Variants in TFCP2L1 observed in about 807,000 individuals in gnomAD.
TFCP2L1 encodes transcription factor CP2-like protein 1.
Under a neutral mutation model 72.2 loss-of-function variants are expected in TFCP2L1, and 12 were observed. That is an observed-to-expected ratio of 0.17 (90% CI 0.11 to 0.27). The LOEUF (loss-of-function observed/expected upper bound fraction) is 0.27. Ranked by LOEUF, TFCP2L1 falls within the 10% of genes least tolerant of loss-of-function variation. The pLI is 1.00. For missense variants in TFCP2L1, 488 were observed against 624.6 expected (o/e 0.78, Z 2.33); for synonymous variants, 260 against 251.0 (o/e 1.04, Z -0.34).
At position 121,246,942 on chromosome 2, in the gene TFCP2L1, G is replaced by C. The variant is rs1686500008; in HGVS notation, c.533C>G (p.Pro178Arg). The stretch of plus-strand genomic sequence containing the variant: ...TCCCTTCTCGCCCCCGTGCTTCCTG[G>C]GGGTGAATTCTGTGCTGATGCAGTG... ...QVHCISTEFT[P>R]RKHGGEKGVP... Residue 178 changes from proline to arginine, a missense_variant, in exon 6 of 15, where the codon CCC becomes CGC. Pro to Arg is a moderately radical substitution (Grantham distance 103). Around this residue, in one of 3 missense-constraint regions of TFCP2L1, gnomAD observed 129 missense variants for 236.0 expected, o/e 0.55. Coordinates refer to ENST00000263707, the MANE Select transcript of TFCP2L1 (RefSeq NM_014553.3). 6.2e-7 allele frequency: 1 copy of C among 1,613,992 alleles called. No homozygotes were observed. Among genetic ancestry groups the C allele is most frequent in the Non-Finnish European group, 8.5e-7 (1 of 1,180,022 alleles).
At chr2:121,278,700 A>G (rs1159646994) in intron 2 of TFCP2L1, among the ~76,000 whole-genome samples, 9 of 144,494 alleles carry the variant, frequency 6.2e-5, no homozygotes, top group South Asian at 2.2e-4. Context: ...AAGAAAGAAA[A>G]AAAAAAAAAC....
rs374243132 is a variant in TFCP2L1 at position 121,281,140 on chromosome 2, G to T, written c.194C>A (p.Thr65Lys). 4.3e-6 allele frequency: 7 copies of T among 1,613,804 alleles called. No individual in the cohort carries two copies. The African/African-American group carries it at 8.0e-5, about 18-fold the overall frequency. The change falls in exon 2 of 15, where the codon ACG (threonine) becomes AAG (lysine). Residue 65 changes from threonine (T) to lysine (K), a missense_variant. Physicochemically the swap from Thr to Lys is moderately conservative, Grantham distance 78. Around this residue, in one of 3 missense-constraint regions of TFCP2L1, gnomAD observed 129 missense variants for 236.0 expected, o/e 0.55. Transcript: ENST00000263707. Reference protein sequence around the residue: ...TSPAVKLHEETLTYLNQGQSY... With the variant: ...TSPAVKLHEEKLTYLNQGQSY... ...ACTACCTTGGTTGAGGTAGGTCAGC[G>T]TCTCTTCATGCAGCTTCACGGCTGG...
In TFCP2L1 at chr2:121,283,036, G is replaced by A. The variant is rs183707012; in HGVS notation, c.63-1765C>T. On this transcript the variant is annotated intron_variant, in intron 1 of 14. Transcript: ENST00000263707. ...CACTCCCAGCCCGGGTGGTTCTCTA[G>A]GAACACTGAGGATTGCATAATTTCA... Among the ~76,000 whole-genome samples, 637 of 152,280 alleles carry A rather than the reference G, an allele frequency of 4.2e-3. 6 individuals carry two copies. Among genetic ancestry groups the A allele is most frequent in the African/African-American group, 0.014 (600 of 41,572 alleles).
intron 2 of TFCP2L1, among the ~76,000 whole-genome samples, chr2:121,269,918 A>AAAAAAT: frequency 8.7e-5 from 10 of 115,152 alleles, no homozygotes; most frequent in African/African-American, 3.0e-4. Flanking sequence ...AAAAAAAAAA[A>AAAAAAT]ATATATATAT....
chr2:121,252,065 T>G (rs188569277), intron 2 of TFCP2L1, among the ~76,000 whole-genome samples: 38 of 152,334 alleles, frequency 2.5e-4, no homozygotes, highest in African/African-American at 8.9e-4. Context: ...CTATTCTATT[T>G]TTGAGACAGG....
chr2:121,253,732 C>T (rs1024550340), intron 2 of TFCP2L1, among the ~76,000 whole-genome samples: 2 of 152,324 alleles, frequency 1.3e-5, no homozygotes, highest in Non-Finnish European at 1.5e-5. Flanking sequence ...TTGAGTGAGG[C>T]GTTAGGCCCA....
chr2:121,242,324 C>G, intron 7 of TFCP2L1, 35 bp downstream of exon 7: 1 of 1,590,884 alleles, frequency 6.3e-7, no homozygotes, highest in Non-Finnish European at 8.6e-7. Context: ...GTGGAAGACC[C>G]TTGGAGGCTC....
In TFCP2L1 at chr2:121,237,653, G is replaced by C. The variant is rs1008822250; in HGVS notation, c.973C>G (p.Gln325Glu). 8.1e-6 allele frequency: 13 copies of C among 1,614,206 alleles called. No individual in the cohort carries two copies. Among genetic ancestry groups the C allele is most frequent in the Non-Finnish European group, 1.1e-5 (13 of 1,180,046 alleles). ...QQWLHRNRFS[Q>E]FCRLFASFSG... The stretch of plus-strand genomic sequence containing the variant: ...AAGCTGGCAAAGAGCCGGCAGAACT[G>C]CGAGAACCTGTTGCGGTGAAGCCAC... The change falls in exon 10 of 15, where the codon CAG becomes GAG. Residue 325 changes from glutamine to glutamate, a missense_variant. By Grantham distance (29) the Gln-to-Glu change is conservative. Around this residue, in one of 3 missense-constraint regions of TFCP2L1, gnomAD observed 286 missense variants for 329.0 expected, o/e 0.87. Coordinates refer to ENST00000263707, the MANE Select transcript of TFCP2L1 (RefSeq NM_014553.3).
rs17006183 is a variant in TFCP2L1 at position 121,219,862 on chromosome 2, G to A, written c.*4479C>T. ...GCCATCTTCAGAGATCACCAAGCCT[G>A]TATTTGTAAGAGGAGGAGATAGAGA... On this transcript the variant is annotated 3_prime_UTR_variant, in exon 15 of 15. Transcript: ENST00000263707. The A allele has an allele frequency of 0.31, 46,569 of 151,962 alleles. 7,429 individuals are homozygous for A. The highest frequency in any genetic ancestry group is 0.47 in the South Asian group (2,244 of 4,816). 9.4% of individuals were successfully genotyped at this position (151,962 alleles called of 1,614,324 possible).
chr2:121,228,806 G>GATTTGA (rs1686084440), intron 13 of TFCP2L1, among the ~76,000 whole-genome samples: 1 of 141,898 alleles, frequency 7.0e-6, no homozygotes, highest in Non-Finnish European at 1.5e-5. Context: ...AGCTCGCTTA[G>GATTTGA]ATTTGAATGT....
intron 13 of TFCP2L1, among the ~76,000 whole-genome samples, chr2:121,227,833 C>T (rs926234699): frequency 6.6e-6 from 1 of 152,124 alleles, no homozygotes; most frequent in African/African-American, 2.4e-5. Context: ...ATTACTGCCT[C>T]GAATCTTGCA....
chr2:121,256,283 T>C (rs911487221), intron 2 of TFCP2L1, among the ~76,000 whole-genome samples: 2 of 151,386 alleles, frequency 1.3e-5, no homozygotes, highest in African/African-American at 4.9e-5. Context: ...TGTAAAGTCA[T>C]GGCACACTAA....
intron 3 of TFCP2L1, among the ~76,000 whole-genome samples, chr2:121,249,292 G>A (rs558544829): frequency 2.6e-5 from 4 of 152,132 alleles, no homozygotes; most frequent in African/African-American, 9.7e-5. Context: ...ACTACCATTT[G>A]TCCCAGTATT....
intron 2 of TFCP2L1, among the ~76,000 whole-genome samples, chr2:121,277,781 T>C (rs1687175370): frequency 6.6e-6 from 1 of 152,178 alleles, no homozygotes; most frequent in African/African-American, 2.4e-5. Flanking sequence ...AAAAAAAGGA[T>C]ATATGTCTGT....
At chr2:121,269,922 T>A (rs1171346771) in intron 2 of TFCP2L1, among the ~76,000 whole-genome samples, 1,874 of 100,836 alleles carry the variant, frequency 0.019, 68 homozygotes, top group African/African-American at 0.088. Flanking sequence ...AAAAAAAATA[T>A]ATATATATAT....
chr2:121,262,254 C>T (rs1229699498), intron 2 of TFCP2L1, among the ~76,000 whole-genome samples: 1 of 152,148 alleles, frequency 6.6e-6, no homozygotes, highest in Non-Finnish European at 1.5e-5. Context: ...ATCACGAGGT[C>T]AGGAGTTTGA....
rs1394859204 is a variant in TFCP2L1, at chr2:121,223,379, G to A, written c.*962C>T. 2.0e-5 allele frequency: 3 copies of A among 152,146 alleles called. No homozygotes were observed. Among genetic ancestry groups the A allele is most frequent in the Admixed American group, 6.5e-5 (1 of 15,272 alleles). 9.4% of individuals were successfully genotyped at this position (152,146 alleles called of 1,614,324 possible). A position where few individuals can be genotyped will look rare whatever the true frequency, so the allele number is the denominator to read the frequency against. On this transcript the variant is annotated 3_prime_UTR_variant, in exon 15 of 15. Transcript: ENST00000263707. ...ACAAAGATAAACATGTAAGTGAGGG[G>A]CACTCAGAGAAAACACATCGCTCCT...
chr2:121,285,148 A>C lies in TFCP2L1; in HGVS notation c.-39T>G. 6.9e-7 allele frequency: 1 copy of C among 1,456,050 alleles called. No homozygotes were observed. Among genetic ancestry groups the C allele is most frequent in the Non-Finnish European group, 9.1e-7 (1 of 1,100,430 alleles). 90.2% of individuals were successfully genotyped at this position (1,456,050 alleles called of 1,614,324 possible). The stretch of plus-strand genomic sequence containing the variant: ...AGCGCGCCGACCGGGGCGCGGCAGC[A>C]AGCGCAGACGCGGGGCGCGCCGAGG... On this transcript the variant is annotated 5_prime_UTR_variant, in exon 1 of 15. Coordinates refer to ENST00000263707, the MANE Select transcript of TFCP2L1 (RefSeq NM_014553.3).
intron 2 of TFCP2L1, among the ~76,000 whole-genome samples, chr2:121,260,238 C>T (rs1379152400): frequency 6.6e-6 from 1 of 151,976 alleles, no homozygotes; most frequent in African/African-American, 2.4e-5. Flanking sequence ...TAGCCTACAG[C>T]CTGGCCCAGG....
Sources: gnomAD v4.1 joint callset for allele counts (sites outside exome capture counted in the v4.1 genomes callset) on GRCh38, gnomAD v4.1.1 for gene constraint, gnomAD v4.1.1 regional missense constraint, MANE v1.5 for transcripts, NCBI Gene and HGNC (gene_info 2026-07-23, HGNC 2026-07-21) for gene names.